NOL10: variants seen among roughly 807,000 people sequenced by gnomAD.
NOL10 encodes H_NH0074G24.1.
A neutral mutation model predicts 103.5 loss-of-function variants in NOL10; 58 were observed. The observed-to-expected ratio is 0.56, with a 90% confidence interval of 0.45 to 0.70. The LOEUF (loss-of-function observed/expected upper bound fraction) is 0.70, where lower values mean the gene tolerates loss of function less well. NOL10 is among the 30% of genes least tolerant of loss of function. The probability of loss-of-function intolerance (pLI) is 0.00; values close to 1 mark genes in which losing one functional copy is unlikely to be tolerated. For missense variants in NOL10, 763 were observed against 807.3 expected, an observed-to-expected ratio of 0.95 and a Z score of 0.67; for synonymous variants, 287 against 282.5, an observed-to-expected ratio of 1.02 and a Z score of -0.16.
intron 8 of NOL10, 79 bp from the exon 9 acceptor site, chr2:10,663,123 T>C: frequency 2.6e-6 from 3 of 1,175,248 alleles, no homozygotes; most frequent in Non-Finnish European, 2.5e-6. Flanking sequence ...TCCCAGCACT[T>C]TGGGAGGCCG....
chr2:10,614,747 G>A (rs1452416690), intron 13 of NOL10, among the ~76,000 whole-genome samples: 1 of 152,072 alleles, frequency 6.6e-6, no homozygotes, highest in Non-Finnish European at 1.5e-5. Context: ...GTACTATAAT[G>A]TATATACACA....
chr2:10,618,633 G>T (rs1222877024), intron 13 of NOL10, among the ~76,000 whole-genome samples: 1 of 152,056 alleles, frequency 6.6e-6, no homozygotes, highest in Non-Finnish European at 1.5e-5. Flanking sequence ...CCAGGAAGGC[G>T]GCCCAGTTAA....
intron 13 of NOL10, among the ~76,000 whole-genome samples, chr2:10,642,491 A>C (rs1411200225): frequency 6.6e-6 from 1 of 151,302 alleles, no homozygotes; most frequent in Non-Finnish European, 1.5e-5. Flanking sequence ...CCCGCTTACA[A>C]CTCTTGTCAG....
chr2:10,634,879 C>A lies in NOL10; in HGVS notation c.1026+9441G>T, dbSNP rs181821727. On this transcript the variant is annotated intron_variant, in intron 13 of 20. Transcript: ENST00000381685. ...TGGTCAACTGTGTTTCTAAATACCACTTGGAGATAAAGTAAAATGATGTGC... is the reference window on the plus strand; with the variant it reads ...TGGTCAACTGTGTTTCTAAATACCAATTGGAGATAAAGTAAAATGATGTGC... Among the ~76,000 whole-genome samples, 642 of 152,258 alleles carry A rather than the reference C, an allele frequency of 4.2e-3. 2 individuals are homozygous for A. Among genetic ancestry groups the A allele is most frequent in the Non-Finnish European group, 6.8e-3 (463 of 68,024 alleles).
intron 19 of NOL10, among the ~76,000 whole-genome samples, chr2:10,580,485 G>A (rs572106020): frequency 1.4e-4 from 22 of 152,128 alleles, no homozygotes; most frequent in African/African-American, 5.3e-4. Flanking sequence ...AATCTAATTG[G>A]AACAAGCAGA....
chr2:10,595,544 T>C (rs1323866388), intron 17 of NOL10, among the ~76,000 whole-genome samples: 1 of 152,092 alleles, frequency 6.6e-6, no homozygotes, highest in Non-Finnish European at 1.5e-5. Context: ...TGATCCTCCC[T>C]GCCTTGGCCT....
Position 10,659,348 on chromosome 2 carries a change from G to A in NOL10, c.678-98C>T, listed in dbSNP as rs371829846. ...TCTTCACTTCAAATCTAATGGGGGG[G>A]GGGGGGAGGAATCACATTTCTAGGC... On this transcript the variant is annotated intron_variant, in intron 9 of 20. Transcript: ENST00000381685. The A allele has an allele frequency of 6.0e-5, 29 of 484,302 alleles. 3 individuals are homozygous for A. Among genetic ancestry groups the A allele is most frequent in the Admixed American group, 1.1e-4 (4 of 35,854 alleles). 30.0% of individuals were successfully genotyped at this position (484,302 alleles called of 1,614,324 possible).
chr2:10,593,627 A>C (rs1020310313), intron 17 of NOL10, among the ~76,000 whole-genome samples: 1 of 152,218 alleles, frequency 6.6e-6, no homozygotes. Context: ...AGGGGTAATA[A>C]AAATTTGGAA....
intron 13 of NOL10, among the ~76,000 whole-genome samples, chr2:10,608,521 T>TATTTC (rs60594236): frequency 1.3e-5 from 2 of 151,420 alleles, no homozygotes; most frequent in Non-Finnish European, 1.5e-5. Flanking sequence ...AAGCTAGAGG[T>TATTTC]AATGAGAGAA....
chr2:10,659,923 GACCCTAGA>G (rs1680083714), intron 9 of NOL10, among the ~76,000 whole-genome samples: 1 of 152,082 alleles, frequency 6.6e-6, no homozygotes, highest in East Asian at 1.9e-4. Flanking sequence ...CTCAAATGGG[GACCCTAGA>G]GCCTCTGAAA....
chr2:10,575,996 T>C (rs986353941), intron 20 of NOL10, among the ~76,000 whole-genome samples: 1 of 152,242 alleles, frequency 6.6e-6, no homozygotes, highest in African/African-American at 2.4e-5. Flanking sequence ...AATGAAGTTT[T>C]TTATTACTTG....
chr2:10,643,937 C>T (rs1247839229), intron 13 of NOL10, among the ~76,000 whole-genome samples: 1 of 152,152 alleles, frequency 6.6e-6, no homozygotes, highest in Non-Finnish European at 1.5e-5. Context: ...GACCCAGGTT[C>T]CTCAATACAT....
At chr2:10,681,608 A>C (rs1681763320) in intron 3 of NOL10, among the ~76,000 whole-genome samples, 2 of 152,224 alleles carry the variant, frequency 1.3e-5, no homozygotes, top group Non-Finnish European at 2.9e-5. Context: ...TTTACCTTGA[A>C]AAAGGCTATA....
intron 13 of NOL10, among the ~76,000 whole-genome samples, chr2:10,607,912 T>A (rs948988227): frequency 1.3e-5 from 2 of 152,028 alleles, no homozygotes; most frequent in Admixed American, 6.6e-5. Flanking sequence ...ACTTGACAAT[T>A]ACATTCCATT....
intron 13 of NOL10, among the ~76,000 whole-genome samples, chr2:10,631,285 C>G (rs960460269): frequency 1.3e-5 from 2 of 152,072 alleles, no homozygotes; most frequent in Non-Finnish European, 2.9e-5. Context: ...GATTCAAACC[C>G]AAATCTTAGG....
chr2:10,587,240 C>T (rs60230905), intron 19 of NOL10, among the ~76,000 whole-genome samples: 4 of 31,150 alleles, frequency 1.3e-4, no homozygotes, highest in African/African-American at 2.3e-4. Flanking sequence ...TATATATATA[C>T]ATACATATAT....
At chr2:10,685,946 C>T (rs1682170363) in intron 1 of NOL10, among the ~76,000 whole-genome samples, 1 of 99,478 alleles carries the variant, frequency 1.0e-5, no homozygotes, top group African/African-American at 2.7e-5. Context: ...CCTGTAGTCC[C>T]AGCTACTCAG....
chr2:10,642,678 G>GA (rs531372078), intron 13 of NOL10, among the ~76,000 whole-genome samples: 47 of 150,184 alleles, frequency 3.1e-4, no homozygotes, highest in Non-Finnish European at 5.8e-4. Flanking sequence ...GACTGAAAAG[G>GA]AAAAAAAAAC....
intron 20 of NOL10, among the ~76,000 whole-genome samples, chr2:10,576,959 C>G (rs1426430313): frequency 6.6e-6 from 1 of 151,926 alleles, no homozygotes; most frequent in Non-Finnish European, 1.5e-5. Context: ...TATTTGGTGA[C>G]TATATTGAAG....
Sources: gnomAD v4.1 joint callset for allele counts (sites outside exome capture counted in the v4.1 genomes callset) on GRCh38, gnomAD v4.1.1 for gene constraint, MANE v1.5 for transcripts, NCBI Gene and HGNC (gene_info 2026-07-23, HGNC 2026-07-21) for gene names.